Variants in CEP112 observed in about 807,000 individuals in gnomAD.
CEP112 encodes centrosomal protein 112.
CEP112 carries 127 observed loss-of-function variants against 153.0 expected under a neutral mutation model. That is an observed-to-expected ratio of 0.83 (90% confidence interval 0.72 to 0.96). The LOEUF is 0.96. CEP112 is among the 40% of genes least tolerant of loss of function. CEP112 has a pLI of 0.00. For missense variants in CEP112, 1,089 were observed against 1,101.2 expected (o/e 0.99, Z 0.16); for synonymous variants, 358 against 374.4 (o/e 0.96, Z 0.51).
chr17:65,936,419 C>T (rs933133467), intron 18 of CEP112, among the ~76,000 whole-genome samples: 2 of 152,106 alleles, frequency 1.3e-5, no homozygotes, highest in Non-Finnish European at 2.9e-5. Context: ...AAACTCATAT[C>T]ATAAGGCCAA....
intron 21 of CEP112, among the ~76,000 whole-genome samples, chr17:65,788,678 A>G (rs951084436): frequency 5.1e-4 from 77 of 152,248 alleles, no homozygotes; most frequent in African/African-American, 1.8e-3. Flanking sequence ...AAAGTTATTC[A>G]TTAAATTATC....
chr17:65,694,059 A>T (rs1365069822), intron 23 of CEP112, among the ~76,000 whole-genome samples: 1 of 152,168 alleles, frequency 6.6e-6, no homozygotes, highest in Non-Finnish European at 1.5e-5. Context: ...TTGTTACAGC[A>T]ACCAGAGCTC....
chr17:65,952,752 C>T (rs1161344325), intron 18 of CEP112, among the ~76,000 whole-genome samples: 1 of 152,148 alleles, frequency 6.6e-6, no homozygotes, highest in African/African-American at 2.4e-5. Flanking sequence ...TTCAATTGCA[C>T]CACAACTTTG....
chr17:66,098,889 T>C (rs1460371015), intron 6 of CEP112, among the ~76,000 whole-genome samples: 1 of 151,654 alleles, frequency 6.6e-6, no homozygotes, highest in African/African-American at 2.4e-5. Flanking sequence ...TGAGCCAGAG[T>C]GGTAGCATGG....
intron 16 of CEP112, among the ~76,000 whole-genome samples, chr17:66,017,308 A>C (rs1313525578): frequency 6.6e-6 from 1 of 152,214 alleles, no homozygotes; most frequent in Non-Finnish European, 1.5e-5. Context: ...TAGCACAAGC[A>C]CCTTGATCTA....
chr17:66,127,435 C>T (rs1229290582), intron 6 of CEP112, among the ~76,000 whole-genome samples: 2 of 152,218 alleles, frequency 1.3e-5, no homozygotes, highest in Admixed American at 6.5e-5. Context: ...ACTTCCCCTG[C>T]ACCTTAAAAC....
intron 6 of CEP112, among the ~76,000 whole-genome samples, chr17:66,107,505 C>A (rs1466348606): frequency 1.3e-5 from 2 of 151,948 alleles, no homozygotes; most frequent in African/African-American, 4.8e-5. Flanking sequence ...CAACTGCAAA[C>A]AACCTGAAAA....
At chr17:65,908,146 G>C (rs1032539940) in intron 19 of CEP112, among the ~76,000 whole-genome samples, 6 of 152,140 alleles carry the variant, frequency 3.9e-5, no homozygotes, top group Non-Finnish European at 5.9e-5. Flanking sequence ...AAGAGGGAAG[G>C]CTTCAAGTTC....
intron 21 of CEP112, among the ~76,000 whole-genome samples, chr17:65,816,890 T>C (rs1041212011): frequency 7.2e-5 from 11 of 152,056 alleles, no homozygotes; most frequent in African/African-American, 2.4e-4. Context: ...TTTGGTAGAA[T>C]TCACTGGTGA....
At chr17:65,680,496 T>A (rs557227430) in intron 24 of CEP112, among the ~76,000 whole-genome samples, 1 of 152,162 alleles carries the variant, frequency 6.6e-6, no homozygotes, top group East Asian at 1.9e-4. Flanking sequence ...CTCTCCCTCT[T>A]TCCATCCCGT....
intron 4 of CEP112, among the ~76,000 whole-genome samples, chr17:66,167,986 T>C (rs2072050832): frequency 6.6e-6 from 1 of 152,224 alleles, no homozygotes; most frequent in Admixed American, 6.5e-5. Context: ...ATTTATTTAC[T>C]AGAAAATTTT....
At position 65,811,303 on chromosome 17, in the gene CEP112, G is replaced by C. The variant is rs114914779; in HGVS notation, c.2394+40501C>G. Among the ~76,000 whole-genome samples the C allele has an allele frequency of 2.3e-3, 348 of 152,272 alleles. 2 individuals are homozygous for C. The highest frequency in any genetic ancestry group is 7.9e-3 in the African/African-American group (327 of 41,568). Reference sequence around the variant, plus strand: ...TGATGGACCATGAAATCTAAGCTGAGAAGTGAAAACATGAAGAAGTTAATG... The same window carrying C: ...TGATGGACCATGAAATCTAAGCTGACAAGTGAAAACATGAAGAAGTTAATG... On this transcript the variant is annotated intron_variant, in intron 21 of 26. Coordinates refer to ENST00000535342, the MANE Select transcript of CEP112 (RefSeq NM_001199165.4).
chr17:65,801,352 C>T (rs1025951973), intron 21 of CEP112, among the ~76,000 whole-genome samples: 2 of 152,178 alleles, frequency 1.3e-5, no homozygotes, highest in Non-Finnish European at 2.9e-5. Context: ...GCCACTGCAC[C>T]CAGCCATCTT....
At chr17:65,796,328 C>A (rs2054910085) in intron 21 of CEP112, among the ~76,000 whole-genome samples, 1 of 152,142 alleles carries the variant, frequency 6.6e-6, no homozygotes, top group Admixed American at 6.6e-5. Context: ...GTTCTTTGTG[C>A]AAAATCAACC....
In CEP112 at chr17:66,175,020, C is replaced by T. The variant is rs113529491; in HGVS notation, c.470+24G>A. 16 of 1,451,042 alleles carry T rather than the reference C, an allele frequency of 1.1e-5. 1 individual carries two copies. The African/African-American group carries it at 1.1e-4, about 10-fold the overall frequency. The allele number at this position is 1,451,042 out of a possible 1,614,324, so 89.9% of individuals were successfully genotyped here. On this transcript the variant is annotated intron_variant, in intron 4 of 26. Transcript: ENST00000535342. Reference sequence around the variant, plus strand: ...GACAGACTAAATGATGAAACACATTCAAAATCCCATTCTCTTTACATACCT... The same window carrying T: ...GACAGACTAAATGATGAAACACATTTAAAATCCCATTCTCTTTACATACCT...
intron 23 of CEP112, among the ~76,000 whole-genome samples, chr17:65,737,391 C>T (rs1267324691): frequency 6.6e-6 from 1 of 152,080 alleles, no homozygotes; most frequent in Admixed American, 6.6e-5. Flanking sequence ...ATACTATCAC[C>T]AAATCTGGAG....
intron 18 of CEP112, among the ~76,000 whole-genome samples, chr17:65,950,355 T>C (rs2061782314): frequency 2.0e-5 from 3 of 152,208 alleles, no homozygotes; most frequent in Admixed American, 2.0e-4. Flanking sequence ...AGCTTTCTAA[T>C]CCATAAACAA....
intron 1 of CEP112, among the ~76,000 whole-genome samples, chr17:66,185,737 T>C (rs2072906256): frequency 6.6e-6 from 1 of 152,208 alleles, no homozygotes; most frequent in Non-Finnish European, 1.5e-5. Flanking sequence ...ACCTTTACAT[T>C]ATGAATAGTG....
intron 8 of CEP112, among the ~76,000 whole-genome samples, chr17:66,076,103 C>T (rs1187401174): frequency 1.3e-5 from 2 of 152,118 alleles, no homozygotes; most frequent in African/African-American, 4.8e-5. Context: ...ACCACAGGGA[C>T]CTTTTGCGAG....
Sources: allele counts gnomAD v4.1 joint callset (sites outside exome capture counted in the v4.1 genomes callset), GRCh38; gene constraint gnomAD v4.1.1; transcripts MANE v1.5; gene names NCBI Gene and HGNC (gene_info 2026-07-23, HGNC 2026-07-21).